CCDC171: variants seen among roughly 807,000 people sequenced by gnomAD.
CCDC171 encodes the protein coiled-coil domain containing 171, also known as coiled-coil domain-containing protein 171.
Under a neutral mutation model 168.2 loss-of-function variants are expected in CCDC171, and 177 were observed. That is an observed-to-expected ratio of 1.05 (90% CI 0.93 to 1.19). CCDC171 has a LOEUF of 1.19. Among genes scored for constraint, CCDC171 ranks in the 50% most tolerant of loss-of-function variants. The pLI is 0.00. For missense variants in CCDC171, 1,991 were observed against 1,539.0 expected (o/e 1.29, Z -4.91); for synonymous variants, 687 against 540.8 (o/e 1.27, Z -3.75).
At chr9:15,941,248 T>A (rs1192709060) in intron 25 of CCDC171, among the ~76,000 whole-genome samples, 1 of 152,000 alleles carries the variant, frequency 6.6e-6, no homozygotes, top group Non-Finnish European at 1.5e-5. Context: ...CCTTTGAAAT[T>A]GAATATTTGG....
intron 1 of CCDC171, among the ~76,000 whole-genome samples, chr9:16,048,127 T>C (rs1364215873): frequency 1.3e-5 from 2 of 152,232 alleles, no homozygotes; most frequent in Non-Finnish European, 2.9e-5. Context: ...AGTTTTGACA[T>C]TGGCTGCCAA....
At chr9:16,006,646 T>A (rs1589318538) in intron 3 of CCDC171, among the ~76,000 whole-genome samples, 2 of 151,294 alleles carry the variant, frequency 1.3e-5, no homozygotes, top group East Asian at 3.9e-4. Context: ...GTGTTCTCAT[T>A]GTTCAATTCC....
At chr9:15,988,655 G>T (rs939643091) in intron 3 of CCDC171, among the ~76,000 whole-genome samples, 1 of 152,214 alleles carries the variant, frequency 6.6e-6, no homozygotes, top group Non-Finnish European at 1.5e-5. Flanking sequence ...GAAGCACAAG[G>T]GCTCAGGGAA....
intron 18 of CCDC171, among the ~76,000 whole-genome samples, chr9:15,775,554 G>A (rs1453663227): frequency 1.3e-5 from 2 of 152,136 alleles, no homozygotes; most frequent in East Asian, 1.9e-4. Context: ...TCCTGACCTC[G>A]TGATCTGCCT....
chr9:15,648,276 C>A (rs2047210681), intron 7 of CCDC171, among the ~76,000 whole-genome samples: 2 of 152,158 alleles, frequency 1.3e-5, no homozygotes, highest in African/African-American at 2.4e-5. Context: ...CTGTGACAAA[C>A]CCACAGCCAA....
At chr9:15,642,143 AGAGT>A (rs2046660514) in intron 7 of CCDC171, among the ~76,000 whole-genome samples, 2 of 151,896 alleles carry the variant, frequency 1.3e-5, no homozygotes, top group Admixed American at 1.3e-4. Flanking sequence ...CCTGGGAGAC[AGAGT>A]GAGACTCTGT....
chr9:15,834,888 C>CA (rs2060375972), intron 21 of CCDC171, among the ~76,000 whole-genome samples: 1 of 152,136 alleles, frequency 6.6e-6, no homozygotes, highest in African/African-American at 2.4e-5. Flanking sequence ...GGAGTAAAAT[C>CA]AGAGTATCAA....
In CCDC171 at chr9:15,731,647, A is replaced by C. The variant is rs371291859; in HGVS notation, c.2049+1849A>C. 2.0e-5 allele frequency among the ~76,000 whole-genome samples: 3 copies of C among 152,100 alleles called. No individual in the cohort carries two copies. In the East Asian group the frequency reaches 5.8e-4, roughly 29 times the overall value. On this transcript the variant is annotated intron_variant, in intron 16 of 25. Transcript: ENST00000380701. The stretch of plus-strand genomic sequence containing the variant: ...TTTCTGTTTTTTAAATATTGTAAGT[A>C]AAATTGCCACAAACATTATTGTACA...
chr9:15,796,874 C>G (rs570170418), intron 21 of CCDC171, among the ~76,000 whole-genome samples: 3 of 152,330 alleles, frequency 2.0e-5, no homozygotes, highest in South Asian at 2.1e-4. Context: ...ACTCAAGCAC[C>G]AGTGCTAAGG....
At chr9:16,059,834 C>G (rs552421218) in intron 1 of CCDC171, among the ~76,000 whole-genome samples, 1 of 151,642 alleles carries the variant, frequency 6.6e-6, no homozygotes. Context: ...CTTTAACACA[C>G]CCGACTTATT....
chr9:15,601,133 C>T (rs536916121), intron 6 of CCDC171, among the ~76,000 whole-genome samples: 18 of 152,284 alleles, frequency 1.2e-4, no homozygotes, highest in African/African-American at 4.1e-4. Context: ...GTGCACTGCA[C>T]CCACTGTCCT....
At chr9:15,802,864 C>G (rs774281422) in intron 21 of CCDC171, among the ~76,000 whole-genome samples, 4 of 152,110 alleles carry the variant, frequency 2.6e-5, no homozygotes, top group East Asian at 1.9e-4. Context: ...CTAATTTACA[C>G]TCCCAGCAAC....
At chr9:15,899,547 T>C (rs768065312) in intron 24 of CCDC171, among the ~76,000 whole-genome samples, 4 of 152,214 alleles carry the variant, frequency 2.6e-5, no homozygotes, top group Non-Finnish European at 5.9e-5. Context: ...TGTAGTGATA[T>C]CTTACTATGG....
intron 10 of CCDC171, among the ~76,000 whole-genome samples, chr9:15,685,145 C>A (rs931889210): frequency 2.0e-5 from 3 of 152,164 alleles, no homozygotes; most frequent in Non-Finnish European, 4.4e-5. Context: ...TTAACCTAAA[C>A]TTATTCTTTA....
chr9:15,905,887 A>AT (rs1204732543), intron 24 of CCDC171, among the ~76,000 whole-genome samples: 1 of 152,226 alleles, frequency 6.6e-6, no homozygotes, highest in African/African-American at 2.4e-5. Flanking sequence ...AGAGAATACT[A>AT]TGAACACCTC....
rs113647799 is a variant in CCDC171 at position 15,882,782 on chromosome 9, A to G, written c.3600+8119A>G. On this transcript the variant is annotated intron_variant, in intron 24 of 25. Coordinates refer to ENST00000380701, the MANE Select transcript of CCDC171 (RefSeq NM_173550.4). Reference sequence around the variant, plus strand: ...ACTAGAGCAGTTTTCGTATTATCCCATAAGTCTTTTCACCATCCTTTTCTC... The same window carrying G: ...ACTAGAGCAGTTTTCGTATTATCCCGTAAGTCTTTTCACCATCCTTTTCTC... Among the ~76,000 whole-genome samples the G allele has an allele frequency of 2.1e-3, 311 of 151,520 alleles. 6 individuals are homozygous for G. Among genetic ancestry groups the G allele is most frequent in the African/African-American group, 7.2e-3 (299 of 41,314 alleles).
At chr9:16,037,481 A>G (rs1239982678) in intron 8 of CCDC171, among the ~76,000 whole-genome samples, 2 of 152,226 alleles carry the variant, frequency 1.3e-5, no homozygotes, top group Admixed American at 1.3e-4. Flanking sequence ...GTTTCCCATG[A>G]GAGAGAACCA....
chr9:16,077,308 A>T, the CCDC171 span, among the ~76,000 whole-genome samples: 1 of 152,186 alleles, frequency 6.6e-6, no homozygotes, highest in South Asian at 2.1e-4. Context: ...AACTTGAAGA[A>T]TGGGGCCCTC....
At chr9:15,969,413 T>C (rs1831130185) in intron 25 of CCDC171, among the ~76,000 whole-genome samples, 1 of 152,180 alleles carries the variant, frequency 6.6e-6, no homozygotes, top group Non-Finnish European at 1.5e-5. Flanking sequence ...AAGTACAACA[T>C]ATAAGTTTGA....
Sources: allele counts gnomAD v4.1 joint callset (sites outside exome capture counted in the v4.1 genomes callset), GRCh38; gene constraint gnomAD v4.1.1; transcripts MANE v1.5; gene names NCBI Gene and HGNC (gene_info 2026-07-23, HGNC 2026-07-21).